Variants in LSM12 observed in about 807,000 individuals in gnomAD.
The protein encoded by LSM12 is protein LSM12.
For synonymous variants in LSM12, 74 were observed against 87.3 expected, an observed-to-expected ratio of 0.85 and a Z score of 0.85; for missense variants, 108 against 238.9, an observed-to-expected ratio of 0.45 and a Z score of 3.61.
chr17:44,040,083 C>A lies in LSM12; in HGVS notation c.368+64G>T, dbSNP rs2049468051. 2.3e-6 allele frequency: 3 copies of A among 1,288,504 alleles called. No individual in the cohort carries two copies. In the East Asian group the frequency reaches 7.2e-5, roughly 31 times the overall value. The allele number at this position is 1,288,504 out of a possible 1,614,324, so 79.8% of individuals were successfully genotyped here. On this transcript the variant is annotated intron_variant, in intron 3 of 4. Transcript: ENST00000293406. Reference sequence around the variant, plus strand: ...AGGAAGACAACCACCCAAAAGCCTGCCACCAGACAGCACAACCAGGTAGCA... The same window carrying A: ...AGGAAGACAACCACCCAAAAGCCTGACACCAGACAGCACAACCAGGTAGCA...
intron 1 of LSM12, among the ~76,000 whole-genome samples, chr17:44,066,119 CA>C (rs1226268983): frequency 1.3e-5 from 2 of 152,044 alleles, no homozygotes; most frequent in Non-Finnish European, 2.9e-5. Context: ...ATCCGGGCTC[CA>C]ATCCATCAGC....
Position 44,066,646 on chromosome 17 carries a change from C to G in LSM12, c.-59G>C. 3 of 1,282,106 alleles carry G rather than the reference C, an allele frequency of 2.3e-6. No homozygotes were observed. Among genetic ancestry groups the G allele is most frequent in the Non-Finnish European group, 3.0e-6 (3 of 1,011,280 alleles). 79.4% of individuals were successfully genotyped at this position (1,282,106 alleles called of 1,614,324 possible). A position where few individuals can be genotyped will look rare whatever the true frequency, so the allele number is the denominator to read the frequency against. On this transcript the variant is annotated 5_prime_UTR_variant, in exon 1 of 5. Transcript: ENST00000293406. The stretch of plus-strand genomic sequence containing the variant: ...GGCAGCAGCGGGCGAAAGCCGGGCC[C>G]CCAGTGAGCGCCGCGACGCGACGGC...
Position 44,066,444 on chromosome 17 carries a change from C to T in LSM12, c.124+20G>A. Reference sequence around the variant, plus strand: ...ACCTACACGCCGGCCCGGACTCGGGCTTCACGCAGGGAAGGATACTTAAAG... The same window carrying T: ...ACCTACACGCCGGCCCGGACTCGGGTTTCACGCAGGGAAGGATACTTAAAG... On this transcript the variant is annotated intron_variant, in intron 1 of 4. Coordinates refer to ENST00000293406, the MANE Select transcript of LSM12 (RefSeq NM_001371445.1). 6.4e-7 allele frequency: 1 copy of T among 1,552,774 alleles called. No individual in the cohort carries two copies. The highest frequency in any genetic ancestry group is 1.4e-5 in the African/African-American group (1 of 70,986).
At chr17:44,057,943 T>TA (rs11428285) in intron 2 of LSM12, among the ~76,000 whole-genome samples, 82,919 of 151,036 alleles carry the variant, frequency 0.55, 23,725 homozygotes, top group Middle Eastern at 0.78. Context: ...TTAGCTACAA[T>TA]AAAAAAATCT....
At chr17:44,056,816 A>C (rs2049720659) in intron 2 of LSM12, among the ~76,000 whole-genome samples, 1 of 152,076 alleles carries the variant, frequency 6.6e-6, no homozygotes. Flanking sequence ...CAACATGGAG[A>C]AACCCTCTCT....
Position 44,040,159 on chromosome 17 carries a change from G to A in LSM12, c.356C>T (p.Thr119Ile). The A allele has an allele frequency of 6.2e-7, 1 of 1,612,896 alleles. No homozygotes were observed. Among genetic ancestry groups the A allele is most frequent in the Non-Finnish European group, 8.5e-7 (1 of 1,178,942 alleles). ...VSLEGQQLFQ[T>I]IHKTIKDCKW... Reference sequence around the variant, plus strand: ...GATCCCAACTCACGTCTTGTGAATGGTCTGGAAGAGCTGCTGGCCCTCTAG... The same window carrying A: ...GATCCCAACTCACGTCTTGTGAATGATCTGGAAGAGCTGCTGGCCCTCTAG... The change falls in exon 3 of 5, where the codon ACC becomes ATC. Residue 119 changes from threonine (T) to isoleucine (I), a missense_variant. Coordinates refer to ENST00000293406, the MANE Select transcript of LSM12 (RefSeq NM_001371445.1).
chr17:44,049,628 G>A (rs1209090800), intron 2 of LSM12, among the ~76,000 whole-genome samples: 1 of 152,156 alleles, frequency 6.6e-6, no homozygotes, highest in East Asian at 1.9e-4. Context: ...TGCACGCAGT[G>A]ACATGGAAGG....
At chr17:44,042,044 T>C (rs1332356288) in intron 2 of LSM12, among the ~76,000 whole-genome samples, 4 of 152,136 alleles carry the variant, frequency 2.6e-5, no homozygotes. Flanking sequence ...CCCAGTACTT[T>C]GTGAGGCCGA....
chr17:44,048,074 A>G (rs555688237), intron 2 of LSM12, among the ~76,000 whole-genome samples: 1 of 150,626 alleles, frequency 6.6e-6, no homozygotes, highest in Non-Finnish European at 1.5e-5. Flanking sequence ...CGCAAATAAA[A>G]AGAGTTCTTT....
intron 2 of LSM12, among the ~76,000 whole-genome samples, chr17:44,047,405 C>T (rs748696526): frequency 1.3e-4 from 20 of 151,970 alleles, no homozygotes; most frequent in Non-Finnish European, 1.9e-4. Flanking sequence ...CACCACCACG[C>T]CCAGCTAATT....
Position 44,065,864 on chromosome 17 carries a change from C to A in LSM12, c.124+600G>T, listed in dbSNP as rs76612071. 9.0e-3 allele frequency among the ~76,000 whole-genome samples: 1,373 copies of A among 152,076 alleles called. 19 individuals carry two copies. Among genetic ancestry groups the A allele is most frequent in the African/African-American group, 0.031 (1,291 of 41,486 alleles). ...CGAGAAGCCTAAAAATCAGCACAGC[C>A]CCCCCACCACACATACACACGCATC... On this transcript the variant is annotated intron_variant, in intron 1 of 4. Transcript: ENST00000293406.
chr17:44,062,557 A>G (rs915918728), intron 2 of LSM12, among the ~76,000 whole-genome samples: 4 of 152,188 alleles, frequency 2.6e-5, no homozygotes, highest in African/African-American at 4.8e-5. Context: ...TATTATGATC[A>G]ACTTCAATTT....
At chr17:44,051,145 A>G (rs1437659189) in intron 2 of LSM12, among the ~76,000 whole-genome samples, 1 of 151,598 alleles carries the variant, frequency 6.6e-6, no homozygotes, top group Admixed American at 6.6e-5. Context: ...GGTGGCTCAC[A>G]CCTGTAATCC....
intron 2 of LSM12, among the ~76,000 whole-genome samples, chr17:44,053,171 C>T (rs2049668858): frequency 6.6e-6 from 1 of 152,200 alleles, no homozygotes; most frequent in Admixed American, 6.6e-5. Flanking sequence ...ATGCTCACTA[C>T]TCTATACCAA....
intron 2 of LSM12, among the ~76,000 whole-genome samples, chr17:44,062,024 G>A (rs943670044): frequency 3.3e-5 from 5 of 151,792 alleles, no homozygotes; most frequent in African/African-American, 9.7e-5. Flanking sequence ...GATCGAGACC[G>A]TCCTGGCTAA....
At chr17:44,048,017 A>AC (rs1491263159) in intron 2 of LSM12, among the ~76,000 whole-genome samples, 7 of 82,794 alleles carry the variant, frequency 8.5e-5, no homozygotes, top group African/African-American at 3.3e-4. Flanking sequence ...TGTCCGTATT[A>AC]AACACACACA....
rs149029043 is a variant in LSM12, at chr17:44,056,219, C to T, written c.258+7582G>A. Among the ~76,000 whole-genome samples the T allele has an allele frequency of 3.5e-3, 526 of 150,854 alleles. 3 individuals carry two copies. Among genetic ancestry groups the T allele is most frequent in the African/African-American group, 0.012 (472 of 41,038 alleles). The stretch of plus-strand genomic sequence containing the variant: ...CTGAGGTAGGAGAATTGCTTGAAAC[C>T]GGGAGGCGGAGGTTGTGGTGAGCCG... On this transcript the variant is annotated intron_variant, in intron 2 of 4. Transcript: ENST00000293406.
chr17:44,047,057 A>G (rs2049578808), intron 2 of LSM12, among the ~76,000 whole-genome samples: 1 of 151,934 alleles, frequency 6.6e-6, no homozygotes, highest in African/African-American at 2.4e-5. Flanking sequence ...TAAATCTGCC[A>G]CCTACTCACC....
intron 3 of LSM12, among the ~76,000 whole-genome samples, chr17:44,039,595 A>G (rs1467741819): frequency 6.9e-6 from 1 of 145,068 alleles, no homozygotes; most frequent in Non-Finnish European, 1.5e-5. Context: ...GTTAGCCAGG[A>G]TGGTCTCGAT....
Sources: allele counts gnomAD v4.1 joint callset (sites outside exome capture counted in the v4.1 genomes callset), GRCh38; gene constraint gnomAD v4.1.1; transcripts MANE v1.5; gene names NCBI Gene and HGNC (gene_info 2026-07-23, HGNC 2026-07-21).